The following ZMYM1 variants were observed in gnomAD, a reference collection of about 807,000 sequenced individuals.
ZMYM1 encodes zinc finger MYM-type protein 1.
ZMYM1 carries 39 observed loss-of-function variants against 60.0 expected under a neutral mutation model. That is an observed-to-expected ratio of 0.65 (90% CI 0.50 to 0.85). ZMYM1 has a LOEUF of 0.85. Ranked by LOEUF, ZMYM1 falls within the 40% of genes least tolerant of loss-of-function variation. The probability of loss-of-function intolerance (pLI) is 0.00; values close to 1 mark genes in which losing one functional copy is unlikely to be tolerated. For missense variants in ZMYM1, 1,171 were observed against 1,309.5 expected (o/e 0.89, Z 1.63); for synonymous variants, 413 against 454.0 (o/e 0.91, Z 1.15).
chr1:35,103,170 A>G (rs955686338), intron 4 of ZMYM1, among the ~76,000 whole-genome samples: 2 of 152,176 alleles, frequency 1.3e-5, no homozygotes, highest in Admixed American at 1.3e-4. Flanking sequence ...TATATTCATA[A>G]TGTTGTGTGA....
At chr1:35,092,562 T>C (rs1362032510) in intron 1 of ZMYM1, among the ~76,000 whole-genome samples, 1 of 151,022 alleles carries the variant, frequency 6.6e-6, no homozygotes, top group Non-Finnish European at 1.5e-5. Context: ...TCTTTTCTTT[T>C]CTTTTCCTTT....
Position 35,081,725 on chromosome 1 carries a change from G to A in ZMYM1, c.-75+2283G>A, listed in dbSNP as rs141704410. On this transcript the variant is annotated intron_variant, in intron 1 of 9. Coordinates refer to ENST00000359858, the MANE Select transcript of ZMYM1 (RefSeq NM_024772.5). ...TTGTTTGTTTGTTTGAGACGGAGTC[G>A]CACTGTGTCACCCAGGCTGGAATGC... Among the ~76,000 whole-genome samples, 8 of 152,118 alleles carry A rather than the reference G, an allele frequency of 5.3e-5. No homozygotes were observed. In the East Asian group the frequency reaches 7.7e-4, roughly 15 times the overall value.
chr1:35,076,011 C>T (rs1336990440), upstream of ZMYM1, among the ~76,000 whole-genome samples: 3 of 152,152 alleles, frequency 2.0e-5, no homozygotes, highest in African/African-American at 7.2e-5. Flanking sequence ...ATGGCAAGGG[C>T]ACAATTCAAA....
intron 1 of ZMYM1, among the ~76,000 whole-genome samples, chr1:35,081,935 C>T (rs138499121): frequency 0.012 from 1,873 of 152,274 alleles, 134 homozygotes; most frequent in Admixed American, 0.11. Flanking sequence ...TCAGGTAATT[C>T]ACCCATCTCT....
Position 35,109,852 on chromosome 1 carries a change from T to C in ZMYM1, c.808-442T>C, listed in dbSNP as rs547535973. Reference sequence around the variant, plus strand: ...ACCTCTGCCACCCAGGTTCAAGTGATTCTCCTGCCTCAGCCTCCTGAGTAA... The same window carrying C: ...ACCTCTGCCACCCAGGTTCAAGTGACTCTCCTGCCTCAGCCTCCTGAGTAA... On this transcript the variant is annotated intron_variant, in intron 6 of 9. Transcript: ENST00000359858. Among the ~76,000 whole-genome samples the C allele has an allele frequency of 3.9e-5, 6 of 152,252 alleles. No individual in the cohort carries two copies. In the East Asian group the frequency reaches 9.7e-4, roughly 25 times the overall value.
chr1:35,099,203 T>C (rs1296661117), intron 4 of ZMYM1, among the ~76,000 whole-genome samples: 2 of 152,236 alleles, frequency 1.3e-5, no homozygotes, highest in Admixed American at 6.5e-5. Flanking sequence ...TCAGTTATTA[T>C]CTGTTGCTTC....
At chr1:35,088,456 G>A (rs10752594) in intron 1 of ZMYM1, among the ~76,000 whole-genome samples, 41,949 of 65,092 alleles carry the variant, frequency 0.64, 12,122 homozygotes, top group Non-Finnish European at 0.74. Context: ...ATATATATAT[G>A]TGTGTGTGTG....
At chr1:35,068,093 T>G (rs1313393287) in intron 1 of ZMYM1, among the ~76,000 whole-genome samples, 1 of 151,560 alleles carries the variant, frequency 6.6e-6, no homozygotes, top group African/African-American at 2.4e-5. Context: ...AGCCTAAAAT[T>G]TTTAAGACTT....
chr1:35,091,755 G>A (rs963888224), intron 1 of ZMYM1, among the ~76,000 whole-genome samples: 8 of 151,906 alleles, frequency 5.3e-5, no homozygotes, highest in Middle Eastern at 3.4e-3. Context: ...AATTACCTGG[G>A]CACTGTGGCA....
chr1:35,095,273 G>T (rs1161421915), intron 2 of ZMYM1, among the ~76,000 whole-genome samples: 1 of 151,740 alleles, frequency 6.6e-6, no homozygotes, highest in African/African-American at 2.4e-5. Context: ...ATTTTGGGAG[G>T]GTGAGACAGG....
At chr1:35,092,776 T>G (rs1009875965) in intron 1 of ZMYM1, among the ~76,000 whole-genome samples, 1 of 152,006 alleles carries the variant, frequency 6.6e-6, no homozygotes, top group African/African-American at 2.4e-5. Flanking sequence ...TACCAGCGCA[T>G]GCCACCAAGC....
At chr1:35,077,818 T>G (rs1642194025), upstream of ZMYM1, among the ~76,000 whole-genome samples, 1 of 152,180 alleles carries the variant, frequency 6.6e-6, no homozygotes, top group South Asian at 2.1e-4. Context: ...AATAATAAAA[T>G]TTCAGTCTCC....
At chr1:35,091,878 A>G (rs1316770333) in intron 1 of ZMYM1, among the ~76,000 whole-genome samples, 7 of 107,536 alleles carry the variant, frequency 6.5e-5, no homozygotes, top group African/African-American at 2.6e-4. Flanking sequence ...ACAGAGCGAG[A>G]TCTTGTCTCA....
chr1:35,068,723 A>C (rs1400535773), intron 1 of ZMYM1, among the ~76,000 whole-genome samples: 2 of 151,676 alleles, frequency 1.3e-5, no homozygotes, highest in Non-Finnish European at 2.9e-5. Context: ...CCTAGATCTA[A>C]ATGTAAAATA....
At position 35,079,948 on chromosome 1, in the gene ZMYM1, C is replaced by G. The variant is rs575676781; in HGVS notation, c.-75+506C>G. On this transcript the variant is annotated intron_variant, in intron 1 of 9. Transcript: ENST00000359858. ...CCAACATGGCAAAACCCCGTCTCTACTAAAAGTACAAAAATTAGCTGGGCT... is the reference window on the plus strand; with the variant it reads ...CCAACATGGCAAAACCCCGTCTCTAGTAAAAGTACAAAAATTAGCTGGGCT... 4.9e-4 allele frequency among the ~76,000 whole-genome samples: 74 copies of G among 152,286 alleles called. 1 individual carries two copies. In the South Asian group the frequency reaches 0.014, roughly 29 times the overall value.
In ZMYM1 at chr1:35,111,752, A is replaced by C. The variant is rs779096323; in HGVS notation, c.962-20A>C. On this transcript the variant is annotated intron_variant, in intron 7 of 9. Transcript: ENST00000359858. ...GATTGATTTTGCCTTGTTTATAAGA[A>C]ATCTTTTTATTGTTGTCAGTAAGTG... is the stretch of plus-strand genomic sequence containing the variant. The C allele has an allele frequency of 6.5e-7, 1 of 1,545,320 alleles. No individual in the cohort carries two copies.
chr1:35,094,510 A>G (rs116246638), intron 2 of ZMYM1, among the ~76,000 whole-genome samples: 2,157 of 152,312 alleles, frequency 0.014, 49 homozygotes, highest in African/African-American at 0.049. Flanking sequence ...TAAAGGATGA[A>G]CTGACTTGAA....
chr1:35,097,275 T>C, intron 3 of ZMYM1, 42 bp from the exon 4 acceptor site: 1 of 1,542,452 alleles, frequency 6.5e-7, no homozygotes, highest in Non-Finnish European at 8.7e-7. Flanking sequence ...CTTAATTTTG[T>C]GTAAATAACA....
At chr1:35,088,996 T>C (rs1330808571) in intron 1 of ZMYM1, among the ~76,000 whole-genome samples, 1 of 151,710 alleles carries the variant, frequency 6.6e-6, no homozygotes, top group East Asian at 1.9e-4. Context: ...TATTTTTTAG[T>C]GGAGATGGGG....
Sources: gnomAD v4.1 joint callset for allele counts (sites outside exome capture counted in the v4.1 genomes callset) on GRCh38, gnomAD v4.1.1 for gene constraint, MANE v1.5 for transcripts, NCBI Gene and HGNC (gene_info 2026-07-23, HGNC 2026-07-21) for gene names.